DEPTOR: variants seen among roughly 807,000 people sequenced by gnomAD.
DEPTOR encodes the protein DEP domain-containing mTOR-interacting protein.
A neutral mutation model predicts 41.6 loss-of-function variants in DEPTOR; 41 were observed. That is an observed-to-expected ratio of 0.98 (90% CI 0.77 to 1.28). The LOEUF (loss-of-function observed/expected upper bound fraction) is 1.28, where lower values mean the gene tolerates loss of function less well. DEPTOR is among the 50% of genes most tolerant of loss of function. DEPTOR has a pLI of 0.00. For missense variants in DEPTOR, 514 were observed against 527.9 expected, an observed-to-expected ratio of 0.97 and a Z score of 0.26; for synonymous variants, 195 against 192.3, an observed-to-expected ratio of 1.01 and a Z score of -0.12.
intron 4 of DEPTOR, among the ~76,000 whole-genome samples, chr8:119,981,822 C>T (rs1200777107): frequency 6.6e-6 from 1 of 151,788 alleles, no homozygotes; most frequent in Non-Finnish European, 1.5e-5. Flanking sequence ...TGAGACCAGC[C>T]TGGCCAACAT....
intron 4 of DEPTOR, 84 bp downstream of exon 4, chr8:119,965,494 C>T: frequency 6.7e-7 from 1 of 1,496,830 alleles, no homozygotes; most frequent in Non-Finnish European, 9.0e-7. Context: ...ACTTATTTCT[C>T]ACTCATGAAT....
rs539329543 is a variant in DEPTOR at position 119,947,928 on chromosome 8, C to G, written c.426-17304C>G. Reference sequence around the variant, plus strand: ...TCTCCTGCCCTCCCCCATCCTCTCCCTGCCCAGTACCACATGATTTGTCCT... The same window carrying G: ...TCTCCTGCCCTCCCCCATCCTCTCCGTGCCCAGTACCACATGATTTGTCCT... On this transcript the variant is annotated intron_variant, in intron 3 of 8. Coordinates refer to ENST00000286234, the MANE Select transcript of DEPTOR (RefSeq NM_022783.4). Among the ~76,000 whole-genome samples, 5 of 152,264 alleles carry G rather than the reference C, an allele frequency of 3.3e-5. No individual in the cohort carries two copies. In the East Asian group the frequency reaches 9.7e-4, roughly 29 times the overall value.
chr8:119,874,581 C>G (rs1157702875), intron 1 of DEPTOR: 1 of 152,172 alleles, frequency 6.6e-6, no homozygotes, highest in African/African-American at 2.4e-5. Context: ...ACATCGTCCT[C>G]AATCATTTGG....
At chr8:119,945,807 A>T (rs563367677) in intron 3 of DEPTOR, among the ~76,000 whole-genome samples, 9 of 152,296 alleles carry the variant, frequency 5.9e-5, no homozygotes, top group South Asian at 4.1e-4. Flanking sequence ...ATGAAGGCAC[A>T]CGGGTCAGCG....
At chr8:120,040,782 C>A (rs896603488) in intron 8 of DEPTOR, among the ~76,000 whole-genome samples, 1 of 152,184 alleles carries the variant, frequency 6.6e-6, no homozygotes, top group African/African-American at 2.4e-5. Flanking sequence ...CTAGTAGGGA[C>A]GTGTAGGAAA....
rs908092586 is a variant in DEPTOR, at chr8:120,049,823, C to T, written c.*119C>T. Reference sequence around the variant, plus strand: ...TGGTTTTGGACATACGAGTCTTCTCCGCACATACATGTCTAAAGTTGAGTT... The same window carrying T: ...TGGTTTTGGACATACGAGTCTTCTCTGCACATACATGTCTAAAGTTGAGTT... On this transcript the variant is annotated 3_prime_UTR_variant, in exon 9 of 9. Transcript: ENST00000286234. 9 of 1,291,972 alleles carry T rather than the reference C, an allele frequency of 7.0e-6. No homozygotes were observed. In the East Asian group the frequency reaches 7.5e-5, roughly 11 times the overall value. The allele number at this position is 1,291,972 out of a possible 1,614,324, so 80.0% of individuals were successfully genotyped here.
intron 8 of DEPTOR, among the ~76,000 whole-genome samples, chr8:120,047,187 A>C (rs953255356): frequency 1.3e-5 from 2 of 151,490 alleles, no homozygotes; most frequent in East Asian, 2.0e-4. Context: ...ACACCTGGCT[A>C]ATTTTTGTAT....
At chr8:119,931,705 C>T (rs184150321) in intron 3 of DEPTOR, among the ~76,000 whole-genome samples, 5 of 152,274 alleles carry the variant, frequency 3.3e-5, no homozygotes, top group Non-Finnish European at 7.4e-5. Flanking sequence ...ATCTTTCTGA[C>T]TCACATGAAT....
chr8:119,923,889 C>CTTTTTTTTTTTTTTTTTTTTTT (rs1827929723), intron 1 of DEPTOR, among the ~76,000 whole-genome samples: 2 of 72,210 alleles, frequency 2.8e-5, no homozygotes, highest in African/African-American at 6.6e-5. Flanking sequence ...TTTCTTTTTT[C>CTTTTTTTTTTTTTTTTTTTTTT]TTTCTTTTTT....
At chr8:119,885,407 T>A (rs1017130034) in intron 1 of DEPTOR, among the ~76,000 whole-genome samples, 1 of 152,228 alleles carries the variant, frequency 6.6e-6, no homozygotes, top group African/African-American at 2.4e-5. Flanking sequence ...TGTTTAGGGA[T>A]GTGGTTTTGA....
intron 8 of DEPTOR, among the ~76,000 whole-genome samples, chr8:120,038,286 A>G (rs1184000064): frequency 6.7e-6 from 1 of 149,574 alleles, no homozygotes; most frequent in East Asian, 2.0e-4. Context: ...AAAAAAAAGA[A>G]GAAGAAGAAA....
At chr8:119,977,230 T>C (rs1008809056) in intron 4 of DEPTOR, among the ~76,000 whole-genome samples, 2 of 152,168 alleles carry the variant, frequency 1.3e-5, no homozygotes, top group Non-Finnish European at 2.9e-5. Context: ...CTCAAACTCC[T>C]GACCTCAAGT....
chr8:120,018,727 C>T (rs760584615), intron 8 of DEPTOR, among the ~76,000 whole-genome samples: 7 of 152,152 alleles, frequency 4.6e-5, no homozygotes, highest in Non-Finnish European at 7.3e-5. Context: ...TGAGCCACTG[C>T]CCACCACTGG....
chr8:119,968,579 G>A (rs1280859548), intron 4 of DEPTOR, among the ~76,000 whole-genome samples: 1 of 152,146 alleles, frequency 6.6e-6, no homozygotes, highest in African/African-American at 2.4e-5. Flanking sequence ...TGGGATTACA[G>A]GCGTAAGCCA....
intron 1 of DEPTOR, among the ~76,000 whole-genome samples, chr8:119,921,559 T>C (rs569530579): frequency 6.6e-6 from 1 of 152,208 alleles, no homozygotes; most frequent in South Asian, 2.1e-4. Context: ...CCAAAATTAT[T>C]TCCCCCCCAT....
At chr8:120,011,288 C>A (rs1012045826) in intron 8 of DEPTOR, among the ~76,000 whole-genome samples, 4 of 152,172 alleles carry the variant, frequency 2.6e-5, no homozygotes, top group Admixed American at 6.5e-5. Flanking sequence ...GAGGCACAGG[C>A]CCTGGGGTCC....
chr8:119,883,334 G>A (rs1189711314), intron 1 of DEPTOR, among the ~76,000 whole-genome samples: 1 of 151,914 alleles, frequency 6.6e-6, no homozygotes, highest in Admixed American at 6.6e-5. Context: ...CATTAGCCGG[G>A]TGTGGTGGCA....
In DEPTOR at chr8:120,049,880, A is replaced by T. The variant is rs947374183; in HGVS notation, c.*176A>T. 2.9e-6 allele frequency: 2 copies of T among 679,210 alleles called. No homozygotes were observed. The highest frequency in any genetic ancestry group is 1.8e-5 in the African/African-American group (1 of 54,156). 42.1% of individuals were successfully genotyped at this position (679,210 alleles called of 1,614,324 possible). On this transcript the variant is annotated 3_prime_UTR_variant, in exon 9 of 9. Transcript: ENST00000286234. ...ACTGAATGTGGAAGAACCGGGTATC[A>T]TATCTTTTTTAAAAAATGTCAGTGT...
chr8:120,006,783 T>A (rs374890823), intron 6 of DEPTOR, 22 bp from the exon 7 acceptor site: 4 of 1,612,482 alleles, frequency 2.5e-6, no homozygotes, highest in Non-Finnish European at 3.4e-6. Context: ...GCTTATGTCT[T>A]GACATTGTGT....
Sources: gnomAD v4.1 joint callset for allele counts (sites outside exome capture counted in the v4.1 genomes callset) on GRCh38, gnomAD v4.1.1 for gene constraint, MANE v1.5 for transcripts, NCBI Gene and HGNC (gene_info 2026-07-23, HGNC 2026-07-21) for gene names.